The following CCDC148 variants were observed in gnomAD, a reference collection of about 807,000 sequenced individuals.
CCDC148 encodes the protein coiled-coil domain containing 148.
A neutral mutation model predicts 85.7 loss-of-function variants in CCDC148; 89 were observed. The observed-to-expected ratio is 1.04, with a 90% CI of 0.87 to 1.24. The LOEUF (loss-of-function observed/expected upper bound fraction) is 1.24. CCDC148 is among the 50% of genes most tolerant of loss of function. The pLI is 0.00. For synonymous variants in CCDC148, 230 were observed against 213.9 expected, an observed-to-expected ratio of 1.08 and a Z score of -0.66; for missense variants, 692 against 671.7, an observed-to-expected ratio of 1.03 and a Z score of -0.33.
chr2:158,285,467 T>C (rs2461368), intron 9 of CCDC148, among the ~76,000 whole-genome samples: 20,298 of 151,192 alleles, frequency 0.13, 1,437 homozygotes, highest in Middle Eastern at 0.2. Context: ...AATAGTAATA[T>C]ACATATATAT....
chr2:158,196,406 G>A (rs751860853), intron 11 of CCDC148, among the ~76,000 whole-genome samples: 3 of 152,180 alleles, frequency 2.0e-5, no homozygotes, highest in Non-Finnish European at 2.9e-5. Flanking sequence ...AAATCAGCAC[G>A]TGCTGAAAAT....
intron 7 of CCDC148, among the ~76,000 whole-genome samples, chr2:158,329,248 C>G (rs1425526004): frequency 5.3e-5 from 8 of 152,156 alleles, no homozygotes; most frequent in Admixed American, 2.0e-4. Flanking sequence ...GCCAGTTTTC[C>G]CAGCACCATT....
intron 11 of CCDC148, among the ~76,000 whole-genome samples, chr2:158,194,918 C>CTTGTGGCAG (rs992472089): frequency 3.3e-5 from 5 of 151,928 alleles, no homozygotes; most frequent in Admixed American, 3.3e-4. Context: ...TTGGTTCCTG[C>CTTGTGGCAG]CACAAGCCCC....
intron 1 of CCDC148, among the ~76,000 whole-genome samples, chr2:158,370,115 C>T (rs1684376945): frequency 6.6e-6 from 1 of 151,824 alleles, no homozygotes; most frequent in Non-Finnish European, 1.5e-5. Context: ...GGATACTGGC[C>T]TGAGGTTGGC....
intron 9 of CCDC148, among the ~76,000 whole-genome samples, chr2:158,297,743 T>G (rs1198283724): frequency 1.3e-5 from 2 of 152,198 alleles, no homozygotes; most frequent in Non-Finnish European, 2.9e-5. Flanking sequence ...TCCAGAATCA[T>G]GTACCACAGA....
intron 11 of CCDC148, among the ~76,000 whole-genome samples, chr2:158,181,481 C>T (rs2105264056): frequency 6.6e-6 from 1 of 152,226 alleles, no homozygotes; most frequent in East Asian, 1.9e-4. Context: ...TACAAAGACC[C>T]AGGCAATTAT....
intron 9 of CCDC148, among the ~76,000 whole-genome samples, chr2:158,290,427 T>C (rs191166183): frequency 7.2e-5 from 11 of 152,326 alleles, no homozygotes; most frequent in Admixed American, 6.5e-4. Flanking sequence ...CACGTCATCC[T>C]CTGCTCACTC....
intron 7 of CCDC148, among the ~76,000 whole-genome samples, chr2:158,317,270 T>C (rs1443877357): frequency 1.3e-5 from 2 of 152,246 alleles, no homozygotes; most frequent in Non-Finnish European, 2.9e-5. Flanking sequence ...TTTGTCCGTC[T>C]AAACTTTCTA....
chr2:158,376,838 G>A (rs1684670368), intron 1 of CCDC148, among the ~76,000 whole-genome samples: 1 of 152,056 alleles, frequency 6.6e-6, no homozygotes, highest in African/African-American at 2.4e-5. Flanking sequence ...TAGCTGCACT[G>A]AAGTGGGTAG....
intron 11 of CCDC148, among the ~76,000 whole-genome samples, chr2:158,188,062 T>C (rs1685237276): frequency 6.6e-6 from 1 of 151,938 alleles, no homozygotes; most frequent in African/African-American, 2.4e-5. Context: ...CCTTACATGC[T>C]GTTAGAGATG....
chr2:158,199,559 A>T (rs2105280992), intron 11 of CCDC148, among the ~76,000 whole-genome samples: 1 of 152,254 alleles, frequency 6.6e-6, no homozygotes, highest in Non-Finnish European at 1.5e-5. Context: ...ATATTAATTT[A>T]AAACCAGTTT....
At chr2:158,351,462 G>A (rs532998798) in intron 2 of CCDC148, among the ~76,000 whole-genome samples, 1 of 60,722 alleles carries the variant, frequency 1.6e-5, no homozygotes, top group South Asian at 8.8e-4. Context: ...CCGAGTCAAA[G>A]AAAGGGGCAC....
chr2:158,422,668 T>C (rs1327222297), intron 1 of CCDC148, among the ~76,000 whole-genome samples: 2 of 152,146 alleles, frequency 1.3e-5, no homozygotes, highest in Non-Finnish European at 2.9e-5. Flanking sequence ...CTTTGAAAAC[T>C]GGCACAAGGC....
intron 1 of CCDC148, among the ~76,000 whole-genome samples, chr2:158,428,170 A>G (rs1687164046): frequency 6.6e-6 from 1 of 152,188 alleles, no homozygotes; most frequent in Non-Finnish European, 1.5e-5. Context: ...GAGGCCACTT[A>G]GGAGACTGTT....
chr2:158,406,824 T>C (rs953861061), intron 1 of CCDC148, among the ~76,000 whole-genome samples: 1 of 151,996 alleles, frequency 6.6e-6, no homozygotes, highest in African/African-American at 2.4e-5. Flanking sequence ...GGTTTTGCCA[T>C]GTTGCCTACT....
At chr2:158,193,599 G>A (rs1027011235) in intron 11 of CCDC148, among the ~76,000 whole-genome samples, 1 of 151,720 alleles carries the variant, frequency 6.6e-6, no homozygotes, top group African/African-American at 2.4e-5. Context: ...GAGCTACAAA[G>A]AATAAAAAAA....
intron 9 of CCDC148, among the ~76,000 whole-genome samples, chr2:158,264,209 T>C (rs3936747): frequency 0.31 from 47,056 of 151,794 alleles, 8,696 homozygotes; most frequent in Middle Eastern, 0.49. Flanking sequence ...AGGACCCAAA[T>C]AGGAAACCTT....
At chr2:158,218,569 T>C (rs1057005268) in intron 11 of CCDC148, among the ~76,000 whole-genome samples, 1 of 152,180 alleles carries the variant, frequency 6.6e-6, no homozygotes, top group African/African-American at 2.4e-5. Context: ...TGAGGGGTAA[T>C]TTTAGTGGAA....
At chr2:158,299,155 C>T (rs1293027989) in intron 9 of CCDC148, among the ~76,000 whole-genome samples, 1 of 152,122 alleles carries the variant, frequency 6.6e-6, no homozygotes, top group Non-Finnish European at 1.5e-5. Flanking sequence ...AACCGAATGT[C>T]TAGAGAGTTC....
Sources: gnomAD v4.1 joint callset for allele counts (sites outside exome capture counted in the v4.1 genomes callset) on GRCh38, gnomAD v4.1.1 for gene constraint, MANE v1.5 for transcripts, NCBI Gene and HGNC (gene_info 2026-07-23, HGNC 2026-07-21) for gene names.